Variants in RNF38 observed in about 807,000 individuals in gnomAD.
RNF38 encodes E3 ubiquitin-protein ligase RNF38.
A neutral mutation model predicts 67.2 loss-of-function variants in RNF38; 15 were observed. That is an observed-to-expected ratio of 0.22 (90% CI 0.15 to 0.34). RNF38 has a LOEUF of 0.34. Among genes scored for constraint, RNF38 ranks in the 10% least tolerant of loss-of-function variants. RNF38 has a pLI of 1.00. For missense variants in RNF38, 524 were observed against 639.9 expected (o/e 0.82, Z 1.95); for synonymous variants, 220 against 218.8 (o/e 1.01, Z -0.05).
chr9:36,379,000 A>C (rs1425065729), intron 2 of RNF38, among the ~76,000 whole-genome samples: 2 of 151,544 alleles, frequency 1.3e-5, no homozygotes, highest in Admixed American at 6.6e-5. Context: ...TCCTGGGTTC[A>C]AGTGATTCTC....
At chr9:36,400,713 C>T (rs1345083163), upstream of RNF38, 3 of 985,648 alleles carry the variant, frequency 3.0e-6, no homozygotes, top group East Asian at 3.4e-4. Context: ...TAGGCACTGT[C>T]ACTGCGCTTC....
intron 2 of RNF38, among the ~76,000 whole-genome samples, chr9:36,419,179 A>G (rs914945360): frequency 6.6e-6 from 1 of 152,206 alleles, no homozygotes; most frequent in Non-Finnish European, 1.5e-5. Flanking sequence ...ACCAGTATAT[A>G]ACGCAAATAT....
At chr9:36,384,658 G>A (rs9632879) in intron 2 of RNF38, among the ~76,000 whole-genome samples, 53,558 of 152,012 alleles carry the variant, frequency 0.35, 9,522 homozygotes, top group Non-Finnish European at 0.39. Context: ...ATTGGAATAC[G>A]TTCTTAAATA....
Position 36,339,568 on chromosome 9 carries a change from A to G in RNF38, c.*184T>C. On this transcript the variant is annotated 3_prime_UTR_variant, in exon 12 of 12. Coordinates refer to ENST00000259605, the MANE Select transcript of RNF38 (RefSeq NM_022781.5). ...TTCCAATCACACGGTTAGTATAACA[A>G]TCCCATAACTGTGAAGACTAATTGT... is the stretch of plus-strand genomic sequence containing the variant. The G allele has an allele frequency of 1.8e-6, 1 of 546,068 alleles. No individual in the cohort carries two copies. Among genetic ancestry groups the G allele is most frequent in the South Asian group, 2.8e-5 (1 of 36,176 alleles). The allele number at this position is 546,068 out of a possible 1,614,324, so 33.8% of individuals were successfully genotyped here. A position where few individuals can be genotyped will look rare whatever the true frequency, so the allele number is the denominator to read the frequency against.
chr9:36,419,509 C>A (rs1159164151), intron 2 of RNF38, among the ~76,000 whole-genome samples: 1 of 152,210 alleles, frequency 6.6e-6, no homozygotes, highest in East Asian at 1.9e-4. Context: ...ATTGAGGCTA[C>A]AAGTTAATTC....
At chr9:36,437,799 A>G (rs1839103470) in intron 1 of RNF38, among the ~76,000 whole-genome samples, 1 of 152,210 alleles carries the variant, frequency 6.6e-6, no homozygotes, top group Non-Finnish European at 1.5e-5. Context: ...GACACAGGAA[A>G]AGTCTTAAGA....
intron 4 of RNF38, among the ~76,000 whole-genome samples, chr9:36,368,439 TTC>T (rs1274487748): frequency 3.3e-5 from 5 of 152,218 alleles, no homozygotes; most frequent in Admixed American, 6.5e-5. Context: ...CTCTGTATTT[TTC>T]TCTGTGTTCA....
chr9:36,462,980 C>CT (rs112977096), intron 1 of RNF38, among the ~76,000 whole-genome samples: 4,839 of 145,206 alleles, frequency 0.033, 169 homozygotes, highest in African/African-American at 0.086. Context: ...CCCTGATTTA[C>CT]TTTTTTTTTT....
At chr9:36,370,969 A>G (rs186880788) in intron 3 of RNF38, among the ~76,000 whole-genome samples, 1 of 152,246 alleles carries the variant, frequency 6.6e-6, no homozygotes, top group East Asian at 1.9e-4. Flanking sequence ...CTCTCCATGT[A>G]CTAGTCATCG....
chr9:36,473,117 C>T (rs143297128), intron 1 of RNF38, among the ~76,000 whole-genome samples: 1 of 151,024 alleles, frequency 6.6e-6, no homozygotes, highest in Non-Finnish European at 1.5e-5. Flanking sequence ...GGGTGACAAG[C>T]GCGAAACTCC....
intron 1 of RNF38, among the ~76,000 whole-genome samples, chr9:36,452,682 G>T (rs180920475): frequency 6.6e-6 from 1 of 151,976 alleles, no homozygotes; most frequent in African/African-American, 2.4e-5. Flanking sequence ...ATAGGTGTGC[G>T]CCACCATGCC....
intron 1 of RNF38, among the ~76,000 whole-genome samples, chr9:36,446,857 A>T (rs1233940553): frequency 7.2e-6 from 1 of 138,872 alleles, no homozygotes; most frequent in Non-Finnish European, 1.5e-5. Flanking sequence ...ATGGTGGCTC[A>T]TGCTTGTAAT....
intron 1 of RNF38, among the ~76,000 whole-genome samples, chr9:36,479,142 T>C (rs1431133899): frequency 6.6e-6 from 1 of 152,214 alleles, no homozygotes; most frequent in African/African-American, 2.4e-5. Context: ...AGATGATTTT[T>C]AATCCCTGCC....
At chr9:36,352,612 C>A (rs1833781966) in intron 8 of RNF38, 130 bp downstream of exon 8, 5 of 737,560 alleles carry the variant, frequency 6.8e-6, no homozygotes, top group Non-Finnish European at 9.5e-6. Flanking sequence ...TCCTCCCACC[C>A]CACCCTTTAA....
chr9:36,379,586 C>A lies in RNF38; in HGVS notation c.163-3459G>T, dbSNP rs1378121646. ...ATAGCAGAAAATCACTTGATGTGTG[C>A]TCACAACCTTCCCTATCTCTCTGAT... is the stretch of plus-strand genomic sequence containing the variant. On this transcript the variant is annotated intron_variant, in intron 2 of 11. Transcript: ENST00000259605. 2.0e-5 allele frequency among the ~76,000 whole-genome samples: 3 copies of A among 152,136 alleles called. No homozygotes were observed. In the East Asian group the frequency reaches 5.8e-4, roughly 29 times the overall value.
intron 1 of RNF38, among the ~76,000 whole-genome samples, chr9:36,444,375 T>C (rs534218337): frequency 2.6e-4 from 39 of 152,266 alleles, no homozygotes; most frequent in Admixed American, 2.5e-3. Flanking sequence ...ACCAAGGTGA[T>C]AGGTTAATCT....
At chr9:36,464,667 T>C (rs1839818885) in intron 1 of RNF38, among the ~76,000 whole-genome samples, 2 of 152,100 alleles carry the variant, frequency 1.3e-5, no homozygotes, top group South Asian at 4.1e-4. Context: ...TCCTGGAAAC[T>C]GCAATATTCA....
chr9:36,344,503 A>G (rs549284888), intron 10 of RNF38, among the ~76,000 whole-genome samples: 230 of 152,344 alleles, frequency 1.5e-3, no homozygotes, highest in African/African-American at 5.3e-3. Flanking sequence ...ATTGCTAAGC[A>G]ACATAAAAAT....
intron 1 of RNF38, among the ~76,000 whole-genome samples, chr9:36,466,754 T>C (rs1025596790): frequency 6.6e-6 from 1 of 152,188 alleles, no homozygotes; most frequent in African/African-American, 2.4e-5. Flanking sequence ...CAATCCTCAC[T>C]GACCTCTGCA....
Sources: allele counts gnomAD v4.1 joint callset (sites outside exome capture counted in the v4.1 genomes callset), GRCh38; gene constraint gnomAD v4.1.1; transcripts MANE v1.5; gene names NCBI Gene and HGNC (gene_info 2026-07-23, HGNC 2026-07-21).